Variants in CPEB1 observed in about 807,000 individuals in gnomAD.
The protein encoded by CPEB1 is cytoplasmic polyadenylation element-binding protein 1.
In CPEB1, 7 loss-of-function variants were observed where a neutral mutation model predicts 65.8. That is an observed-to-expected ratio of 0.11 (90% CI 0.06 to 0.20). CPEB1 has a LOEUF of 0.20. CPEB1 is among the 10% of genes least tolerant of loss of function. The probability of loss-of-function intolerance (pLI) is 1.00; values close to 1 mark genes in which losing one functional copy is unlikely to be tolerated. For synonymous variants in CPEB1, 262 were observed against 260.0 expected, an observed-to-expected ratio of 1.01 and a Z score of -0.08; for missense variants, 551 against 712.2, an observed-to-expected ratio of 0.77 and a Z score of 2.58.
intron 3 of CPEB1, among the ~76,000 whole-genome samples, chr15:82,604,996 A>G (rs952213306): frequency 1.3e-4 from 20 of 152,348 alleles, no homozygotes; most frequent in African/African-American, 4.8e-4. Flanking sequence ...ACTGCAAGAG[A>G]GAAGCAATCA....
At chr15:82,624,977 G>C (rs916596638) in intron 3 of CPEB1, among the ~76,000 whole-genome samples, 3 of 152,004 alleles carry the variant, frequency 2.0e-5, no homozygotes, top group African/African-American at 7.3e-5. Flanking sequence ...GCTGCAACTA[G>C]GTGCACACCC....
At chr15:82,548,000 G>C (rs2035566543) in intron 10 of CPEB1, among the ~76,000 whole-genome samples, 1 of 152,128 alleles carries the variant, frequency 6.6e-6, no homozygotes, top group Non-Finnish European at 1.5e-5. Context: ...TTTTCTAGTA[G>C]TCACACTGAA....
chr15:82,580,007 T>C (rs2151094269), intron 3 of CPEB1, among the ~76,000 whole-genome samples: 1 of 119,304 alleles, frequency 8.4e-6, no homozygotes, highest in African/African-American at 3.1e-5. Flanking sequence ...GCGGGAGAAG[T>C]GGACTACAAA....
chr15:82,605,481 C>A (rs1464895201), intron 3 of CPEB1, among the ~76,000 whole-genome samples: 1 of 151,922 alleles, frequency 6.6e-6, no homozygotes, highest in African/African-American at 2.4e-5. Context: ...ATGACGGTAA[C>A]TATAGTTGTA....
Position 82,627,227 on chromosome 15 carries a change from T to A in CPEB1, c.237A>T (p.Thr79=). The A allele has an allele frequency of 6.2e-7, 1 of 1,612,456 alleles. No individual in the cohort carries two copies. Among genetic ancestry groups the A allele is most frequent in the Non-Finnish European group, 8.5e-7 (1 of 1,179,476 alleles). ...NSLDFSRVCT[T]PINRGIHDHL... Reference sequence around the variant, plus strand: ...GATCATGAATTCCTCGGTTTATAGGTGTAGTGCAGACTCTACTGAAATCCA... The same window carrying A: ...GATCATGAATTCCTCGGTTTATAGGAGTAGTGCAGACTCTACTGAAATCCA... The change falls in exon 3 of 13, where the codon ACA becomes ACT. Residue 79 remains threonine, a synonymous_variant. Transcript: ENST00000684509.
At chr15:82,562,003 A>T (rs1471560885) in intron 4 of CPEB1, among the ~76,000 whole-genome samples, 2 of 152,212 alleles carry the variant, frequency 1.3e-5, no homozygotes, top group Non-Finnish European at 2.9e-5. Context: ...CACTTTAGGT[A>T]AACAGTCTTC....
intron 3 of CPEB1, among the ~76,000 whole-genome samples, chr15:82,597,906 C>T (rs1425045091): frequency 6.6e-6 from 1 of 152,070 alleles, no homozygotes; most frequent in Admixed American, 6.6e-5. Context: ...GAGAGCTGCT[C>T]CAGATATTAC....
In CPEB1 at chr15:82,571,546, G is replaced by C. The variant is rs138210706; in HGVS notation, c.272-14C>G. ...AGTCCTGGAAGTCTGTTTTGGAAAGGAGCACAGCAGAAACCTCAGAGTTAA... is the reference window on the plus strand; with the variant it reads ...AGTCCTGGAAGTCTGTTTTGGAAAGCAGCACAGCAGAAACCTCAGAGTTAA... On this transcript the variant is annotated splice_polypyrimidine_tract_variant and intron_variant, in intron 3 of 12. Transcript: ENST00000684509. The C allele has an allele frequency of 7.5e-6, 12 of 1,608,708 alleles. No homozygotes were observed. In the Admixed American group the frequency reaches 1.8e-4, roughly 25 times the overall value.
intron 1 of CPEB1, among the ~76,000 whole-genome samples, chr15:82,637,603 C>T (rs1247448439): frequency 1.3e-5 from 2 of 152,162 alleles, no homozygotes; most frequent in Non-Finnish European, 2.9e-5. Context: ...TGCTTCTCTC[C>T]CTTTCCACAC....
At chr15:82,567,723 T>C (rs1015019184) in intron 4 of CPEB1, among the ~76,000 whole-genome samples, 2 of 152,038 alleles carry the variant, frequency 1.3e-5, no homozygotes, top group Admixed American at 6.6e-5. Flanking sequence ...AAAACAGACA[T>C]GTCCTCTGGC....
intron 3 of CPEB1, among the ~76,000 whole-genome samples, chr15:82,585,989 C>G (rs778598849): frequency 2.6e-5 from 4 of 151,868 alleles, no homozygotes; most frequent in Admixed American, 6.6e-5. Flanking sequence ...AGTTACAGCT[C>G]TTGTCTTTTT....
intron 1 of CPEB1, 166 bp from the exon 2 acceptor site, chr15:82,628,722 C>T (rs1192447877): frequency 1.2e-5 from 5 of 410,306 alleles, no homozygotes; most frequent in South Asian, 8.0e-5. Context: ...CCTGAGAGAG[C>T]AAGACCAATC....
intron 1 of CPEB1, among the ~76,000 whole-genome samples, chr15:82,642,675 A>G (rs1723317577): frequency 6.6e-6 from 1 of 152,232 alleles, no homozygotes; most frequent in Non-Finnish European, 1.5e-5. Context: ...CATAACTTCT[A>G]GGTGCAAACC....
intron 3 of CPEB1, among the ~76,000 whole-genome samples, chr15:82,605,515 T>C (rs1018385714): frequency 1.3e-5 from 2 of 152,106 alleles, no homozygotes; most frequent in Non-Finnish European, 2.9e-5. Flanking sequence ...CTATACAATG[T>C]ATTCTATAGT....
intron 3 of CPEB1, among the ~76,000 whole-genome samples, chr15:82,613,637 G>C (rs2044392863): frequency 6.6e-6 from 1 of 152,158 alleles, no homozygotes; most frequent in Non-Finnish European, 1.5e-5. Flanking sequence ...TGGGATTATA[G>C]ACATGAGCCA....
chr15:82,576,114 A>G (rs181240794), intron 3 of CPEB1, among the ~76,000 whole-genome samples: 2 of 152,368 alleles, frequency 1.3e-5, no homozygotes, highest in East Asian at 3.9e-4. Flanking sequence ...TAGTACATGC[A>G]TATACCATAC....
At chr15:82,546,630 G>C in intron 11 of CPEB1, 109 bp from the exon 12 acceptor site, 1 of 801,790 alleles carries the variant, frequency 1.2e-6, no homozygotes, top group Non-Finnish European at 2.2e-6. Flanking sequence ...CGGGATATTG[G>C]AATGCAGGAT....
At chr15:82,638,079 G>C (rs1026241008) in intron 1 of CPEB1, 7 of 390,904 alleles carry the variant, frequency 1.8e-5, no homozygotes, top group South Asian at 1.4e-4. Context: ...GTGTTGTCAT[G>C]TGTTATTCTG....
At chr15:82,552,863 A>C (rs2036523367) in intron 8 of CPEB1, among the ~76,000 whole-genome samples, 1 of 152,222 alleles carries the variant, frequency 6.6e-6, no homozygotes, top group Non-Finnish European at 1.5e-5. Flanking sequence ...CACCATTACC[A>C]CAGCTCTCTA....
Sources: allele counts gnomAD v4.1 joint callset (sites outside exome capture counted in the v4.1 genomes callset), GRCh38; gene constraint gnomAD v4.1.1; transcripts MANE v1.5; gene names NCBI Gene and HGNC (gene_info 2026-07-23, HGNC 2026-07-21).